The following TNXB variants were observed in gnomAD, a reference collection of about 807,000 sequenced individuals.
TNXB encodes the protein tenascin XB.
Under a neutral mutation model 340.5 loss-of-function variants are expected in TNXB, and 183 were observed. The observed-to-expected ratio is 0.54, with a 90% CI of 0.48 to 0.61. TNXB has a LOEUF of 0.61. Ranked by LOEUF, TNXB falls within the 20% of genes least tolerant of loss-of-function variation. TNXB has a pLI of 0.00. For synonymous variants in TNXB, 2,121 were observed against 2,314.5 expected, an observed-to-expected ratio of 0.92 and a Z score of 2.40; for missense variants, 4,613 against 5,446.4, an observed-to-expected ratio of 0.85 and a Z score of 4.82.
At chr6:32,102,944 A>G (rs982648519) in intron 1 of TNXB, among the ~76,000 whole-genome samples, 3 of 152,088 alleles carry the variant, frequency 2.0e-5, no homozygotes, top group African/African-American at 4.8e-5. Flanking sequence ...AAACAAACAA[A>G]AACAGGCAGA....
At position 32,075,542 on chromosome 6, in the gene TNXB, G is replaced by GT. The variant is rs138721811; in HGVS notation, c.4376-1591dup. 6.5e-3 allele frequency among the ~76,000 whole-genome samples: 984 copies of GT among 152,304 alleles called. 13 individuals are homozygous for GT. The highest frequency in any genetic ancestry group is 0.023 in the African/African-American group (939 of 41,554). On this transcript the variant is annotated intron_variant, in intron 11 of 43. Transcript: ENST00000644971. The surrounding 1 kb of genome is among the most constrained non-coding windows in gnomAD (Gnocchi z 4.6). Reference sequence around the variant, plus strand: ...CTGCCCTCGCAGTGAGGCCCTTGCTGTCTCCCTACTAGGCTCTGCTTTTCC... The same window carrying GT: ...CTGCCCTCGCAGTGAGGCCCTTGCTGTTCTCCCTACTAGGCTCTGCTTTTCC...
At position 32,053,103 on chromosome 6, in the gene TNXB, T is replaced by C. The variant is rs1394741059; in HGVS notation, c.8792-110A>G. The C allele has an allele frequency of 1.0e-5, 13 of 1,251,058 alleles. No individual in the cohort carries two copies. The African/African-American group carries it at 1.5e-4, about 14-fold the overall frequency. 77.5% of individuals were successfully genotyped at this position (1,251,058 alleles called of 1,614,324 possible). ...CATGAGTGGGGGTCCTGGGGTCAGCTTGGAGAGGCCCATCTTTGGAGCTGG... is the reference window on the plus strand; with the variant it reads ...CATGAGTGGGGGTCCTGGGGTCAGCCTGGAGAGGCCCATCTTTGGAGCTGG... On this transcript the variant is annotated intron_variant, in intron 25 of 43. Transcript: ENST00000644971.
At position 32,068,390 on chromosome 6, in the gene TNXB, C is replaced by T. The variant is rs1215495669; in HGVS notation, c.6220G>A (p.Ala2074Thr). ...MGPVSVVGVT[A>T]AEEETPSPTE... ...CCTGGGGCTCCCATCATCCACTCAC[C>T]TGTCACCCCGACGACAGACACAGGG... The change falls in exon 17 of 44, where the codon GCT becomes ACT. Residue 2074 changes from alanine (A) to threonine (T), a missense_variant and splice_region_variant. Transcript: ENST00000644971. The surrounding 1 kb of genome is among the most constrained non-coding windows in gnomAD (Gnocchi z 5.3). The T allele has an allele frequency of 3.7e-6, 6 of 1,613,100 alleles. No individual in the cohort carries two copies. Among genetic ancestry groups the T allele is most frequent in the African/African-American group, 1.3e-5 (1 of 74,930 alleles).
In TNXB at chr6:32,081,267, C is replaced by T. The variant is rs1166455237; in HGVS notation, c.4042+101G>A. The T allele has an allele frequency of 1.0e-5, 13 of 1,238,884 alleles. No individual in the cohort carries two copies. The highest frequency in any genetic ancestry group is 3.0e-5 in the African/African-American group (2 of 66,704). 76.7% of individuals were successfully genotyped at this position (1,238,884 alleles called of 1,614,324 possible). A position where few individuals can be genotyped will look rare whatever the true frequency, so the allele number is the denominator to read the frequency against. ...TGGGTGGAGGCTTTGGCAAAATGAG[C>T]TGAGAAGGCGAAGATGGAGGGAGGC... On this transcript the variant is annotated intron_variant, in intron 10 of 43. Transcript: ENST00000644971. This position sits in a 1 kb window ranked among gnomAD's most constrained non-coding sequence, Gnocchi z 5.1.
At position 32,095,189 on chromosome 6, in the gene TNXB, C is replaced by A; in HGVS notation, c.2245G>T (p.Val749Leu). The part of the protein sequence containing the change: ...GYAGEDCGEE[V>L]PTIEGMRMHL... ...ATCCTCATGCCCTCAATGGTTGGCACCTCTGCCCAAGAGAATGGGTTAGGG... is the reference window on the plus strand; with the variant it reads ...ATCCTCATGCCCTCAATGGTTGGCAACTCTGCCCAAGAGAATGGGTTAGGG... The change falls in exon 4 of 44, where the codon GTG (valine) becomes TTG (leucine). Residue 749 changes from valine to leucine, a missense_variant and splice_region_variant. Around this residue, in one of 7 missense-constraint regions of TNXB, gnomAD observed 4,327 missense variants for 4,859.4 expected, o/e 0.89. Transcript: ENST00000644971. The A allele has an allele frequency of 6.5e-7, 1 of 1,549,302 alleles. No homozygotes were observed. Among genetic ancestry groups the A allele is most frequent in the East Asian group, 2.4e-5 (1 of 40,924 alleles).
chr6:32,104,502 TA>T (rs1780881131), intron 1 of TNXB, among the ~76,000 whole-genome samples: 1 of 152,224 alleles, frequency 6.6e-6, no homozygotes, highest in Non-Finnish European at 1.5e-5. Flanking sequence ...AAGGCTACCA[TA>T]TTTCCTTGTA....
At position 32,051,917 on chromosome 6, in the gene TNXB, C is replaced by T. The variant is rs1238297854; in HGVS notation, c.9115+753G>A. ...GAGAGTAGAATGGTGTTGCCAGGGG[C>T]TGGGGCAAGGGGAGAATGGGAGTTC... On this transcript the variant is annotated intron_variant, in intron 26 of 43. Transcript: ENST00000644971. This position sits in a 1 kb window ranked among gnomAD's most constrained non-coding sequence, Gnocchi z 4.7. Among the ~76,000 whole-genome samples the T allele has an allele frequency of 6.6e-6, 1 of 152,056 alleles. No individual in the cohort carries two copies. Among genetic ancestry groups the T allele is most frequent in the Non-Finnish European group, 1.5e-5 (1 of 67,998 alleles).
chr6:32,085,803 C>T lies in TNXB; in HGVS notation c.3095G>A (p.Gly1032Glu). The change falls in exon 7 of 44, where the codon GGG (glycine) becomes GAG (glutamate). Residue 1032 changes from glycine (G) to glutamate (E), a missense_variant. Physicochemically the swap from Gly to Glu is moderately conservative, Grantham distance 98. Around this residue, in one of 7 missense-constraint regions of TNXB, gnomAD observed 4,327 missense variants for 4,859.4 expected, o/e 0.89. Transcript: ENST00000644971. This position sits in a 1 kb window ranked among gnomAD's most constrained non-coding sequence, Gnocchi z 6.4. ...PGTPYELSLHGVPPGGKPSDP... is the reference protein window; with the variant it reads ...PGTPYELSLHEVPPGGKPSDP... ...AGAGGGCTTGCCCCCAGGAGGGACC[C>T]CATGAAGTGACAGCTCATACGGGGT... is the stretch of plus-strand genomic sequence containing the variant. 1 of 1,592,802 alleles carries T rather than the reference C, an allele frequency of 6.3e-7. No individual in the cohort carries two copies. Among genetic ancestry groups the T allele is most frequent in the Non-Finnish European group, 8.6e-7 (1 of 1,169,540 alleles).
intron 11 of TNXB, among the ~76,000 whole-genome samples, chr6:32,077,944 T>C (rs1779171809): frequency 6.6e-6 from 1 of 151,650 alleles, no homozygotes; most frequent in South Asian, 2.1e-4. Context: ...GGAGAATCAC[T>C]TGAACCTGGG....
In TNXB at chr6:32,108,522, A is replaced by G. The variant is rs913031938; in HGVS notation, c.-9+659T>C. The stretch of plus-strand genomic sequence containing the variant: ...AGTCATGAGTGCAGAGCTCTGGCCA[A>G]GAACAAGTTTTAGGATCCTCTCTGC... On this transcript the variant is annotated intron_variant, in intron 1 of 43. Transcript: ENST00000644971. The surrounding 1 kb of genome is among the most constrained non-coding windows in gnomAD (Gnocchi z 4.8). 3.3e-5 allele frequency among the ~76,000 whole-genome samples: 5 copies of G among 152,218 alleles called. No individual in the cohort carries two copies. In the South Asian group the frequency reaches 6.2e-4, roughly 19 times the overall value.
chr6:32,076,502 T>C (rs1236084649), intron 11 of TNXB, among the ~76,000 whole-genome samples: 2 of 152,186 alleles, frequency 1.3e-5, no homozygotes, highest in African/African-American at 4.8e-5. Flanking sequence ...TTTCAAAATA[T>C]CCAGCATTAG....
intron 1 of TNXB, 24 bp from the exon 2 acceptor site, chr6:32,098,230 G>T: frequency 4.1e-6 from 6 of 1,464,614 alleles, no homozygotes; most frequent in South Asian, 1.6e-5. Flanking sequence ...GGGTAGGTAT[G>T]AGAGCAGCTT....
chr6:32,056,263 C>T lies in TNXB; in HGVS notation c.8144-89G>A. ...AAGGAGGGAGAAACCATGGCCACTA[C>T]TGGGTATGTGAGGTCATTTCAGAAA... On this transcript the variant is annotated intron_variant, in intron 23 of 43. Transcript: ENST00000644971. The T allele has an allele frequency of 2.7e-6, 4 of 1,457,602 alleles. No homozygotes were observed. In the South Asian group the frequency reaches 3.9e-5, roughly 14 times the overall value. 90.3% of individuals were successfully genotyped at this position (1,457,602 alleles called of 1,614,324 possible).
rs555411348 is a variant in TNXB, at chr6:32,102,737, C to T, written c.-8-4531G>A. Among the ~76,000 whole-genome samples, 69 of 150,576 alleles carry T rather than the reference C, an allele frequency of 4.6e-4. 1 individual carries two copies. In the South Asian group the frequency reaches 0.011, roughly 25 times the overall value. ...GAGATGGAGACCATCCTGGCCAACA[C>T]GGTGAAACCCTGTCTCTACTAAAAA... On this transcript the variant is annotated intron_variant, in intron 1 of 43. Coordinates refer to ENST00000644971, the MANE Select transcript of TNXB (RefSeq NM_001365276.2).
rs760099672 is a variant in TNXB at position 32,050,103 on chromosome 6, C to T, written c.9334G>A (p.Gly3112Arg). The T allele has an allele frequency of 2.9e-5, 46 of 1,613,756 alleles. 1 individual carries two copies. Among genetic ancestry groups the T allele is most frequent in the Non-Finnish European group, 3.0e-5 (35 of 1,179,892 alleles). ...GGCTCCAGGCCTGAGATGGTGACCC[C>T]GTCCTCGTGCCCCGGCACCCGCACC... The part of the protein sequence containing the change: ...KAVRVPGHED[G>R]VTISGLEPDH... Residue 3112 changes from glycine (G) to arginine (R), a missense_variant, in exon 27 of 44, where the codon GGG (glycine) becomes AGG (arginine). Coordinates refer to ENST00000644971, the MANE Select transcript of TNXB (RefSeq NM_001365276.2).
Position 32,062,486 on chromosome 6 carries a change from G to A in TNXB, c.6842-3C>T, listed in dbSNP as rs1193623003. The A allele has an allele frequency of 4.4e-6, 7 of 1,595,422 alleles. No individual in the cohort carries two copies. Among genetic ancestry groups the A allele is most frequent in the Non-Finnish European group, 6.0e-6 (7 of 1,168,920 alleles). On this transcript the variant is annotated splice_region_variant and splice_polypyrimidine_tract_variant and intron_variant, in intron 19 of 43. Coordinates refer to ENST00000644971, the MANE Select transcript of TNXB (RefSeq NM_001365276.2). The surrounding 1 kb of genome is among the most constrained non-coding windows in gnomAD (Gnocchi z 4.3). The stretch of plus-strand genomic sequence containing the variant: ...CATTTCTTCATCCTTTCCTGGGGCT[G>A]CATCAGAAAATAGAATGGGTGGGCA...
chr6:32,095,916 G>A lies in TNXB; in HGVS notation c.1937C>T (p.Thr646Ile). Residue 646 changes from threonine to isoleucine, a missense_variant, in exon 3 of 44, where the codon ACC (threonine) becomes ATC (isoleucine). Transcript: ENST00000644971. ...AGCCGGGCACATGCGGGTGGCACAG[G>A]TAGGGCCGGTGTAGCCTGGGTCGCA... ...CLCDPGYTGPTCATRMCPADC... is the reference protein window; with the variant it reads ...CLCDPGYTGPICATRMCPADC... 1 of 1,612,762 alleles carries A rather than the reference G, an allele frequency of 6.2e-7. No individual in the cohort carries two copies. Among genetic ancestry groups the A allele is most frequent in the Non-Finnish European group, 8.5e-7 (1 of 1,179,590 alleles).
chr6:32,050,368 C>T, intron 26 of TNXB, 47 bp from the exon 27 acceptor site: 5 of 1,597,746 alleles, frequency 3.1e-6, no homozygotes, highest in South Asian at 1.1e-5. Context: ...GTTCTCAGTT[C>T]AGCATAGAAA....
rs755169568 is a variant in TNXB, at chr6:32,069,559, T to G, written c.5581A>C (p.Ile1861Leu). The change falls in exon 15 of 44, where the codon ATT (isoleucine) becomes CTT (leucine). Residue 1861 changes from isoleucine (I) to leucine (L), a missense_variant. This residue lies in a region of TNXB where 4,327 missense variants were observed against 4,859.4 expected (regional missense o/e 0.89). Transcript: ENST00000644971. This position sits in a 1 kb window ranked among gnomAD's most constrained non-coding sequence, Gnocchi z 6.2. ...KRVGPISAVA[I>L]TAGREETETE... ...CCAGCTGCCGCACACTCACCAGTAATGGCGACGGCCGAGATGGGGCCCACA... is the reference window on the plus strand; with the variant it reads ...CCAGCTGCCGCACACTCACCAGTAAGGGCGACGGCCGAGATGGGGCCCACA... The G allele has an allele frequency of 6.4e-7, 1 of 1,565,724 alleles. No individual in the cohort carries two copies. Among genetic ancestry groups the G allele is most frequent in the Non-Finnish European group, 8.7e-7 (1 of 1,151,956 alleles).
Sources: gnomAD v4.1 joint callset for allele counts (sites outside exome capture counted in the v4.1 genomes callset) on GRCh38, gnomAD v4.1.1 for gene constraint, gnomAD v4.1.1 regional missense constraint, Gnocchi (gnomAD v3.1) non-coding constraint, MANE v1.5 for transcripts, NCBI Gene and HGNC (gene_info 2026-07-23, HGNC 2026-07-21) for gene names.